Variants in FHIT observed in about 807,000 individuals in gnomAD.
FHIT encodes the protein bis(5'-adenosyl)-triphosphatase.
In FHIT, 19 loss-of-function variants were observed where a neutral mutation model predicts 17.9. The ratio of observed to expected loss-of-function variants is 1.06; its 90% CI spans 0.74 to 1.56. The LOEUF is 1.56. Ranked by LOEUF, FHIT falls within the 40% of genes most tolerant of loss-of-function variation. The pLI is 0.00. For missense variants in FHIT, 248 were observed against 189.2 expected (o/e 1.31, Z -1.82); for synonymous variants, 81 against 69.7 (o/e 1.16, Z -0.81).
chr3:60,059,296 T>C (rs1208203177), intron 5 of FHIT, among the ~76,000 whole-genome samples: 4 of 152,138 alleles, frequency 2.6e-5, no homozygotes, highest in Non-Finnish European at 5.9e-5. Flanking sequence ...TTCTGGGGCA[T>C]TCCACTGGAA....
intron 5 of FHIT, among the ~76,000 whole-genome samples, chr3:60,123,734 G>T (rs994301581): frequency 1.3e-5 from 2 of 151,626 alleles, no homozygotes; most frequent in South Asian, 2.1e-4. Flanking sequence ...ATGAGAGAAC[G>T]CCAGTGCCCA....
chr3:59,829,348 G>A (rs1249414776), intron 8 of FHIT, among the ~76,000 whole-genome samples: 3 of 152,132 alleles, frequency 2.0e-5, no homozygotes, highest in South Asian at 2.1e-4. Flanking sequence ...TCCTTAGAGC[G>A]CCTCAGTGTT....
intron 3 of FHIT, among the ~76,000 whole-genome samples, chr3:60,835,627 AG>A (rs1259425356): frequency 6.6e-6 from 1 of 152,160 alleles, no homozygotes; most frequent in East Asian, 1.9e-4. Context: ...TGCTTGAGAT[AG>A]GGTCTCACTC....
At chr3:60,966,405 G>A (rs572724046) in intron 3 of FHIT, among the ~76,000 whole-genome samples, 10 of 152,210 alleles carry the variant, frequency 6.6e-5, no homozygotes, top group Admixed American at 2.0e-4. Context: ...GCGATGTCCC[G>A]CCCTGCTTTG....
chr3:61,051,067 T>A (rs182702502), intron 2 of FHIT, among the ~76,000 whole-genome samples: 34 of 152,218 alleles, frequency 2.2e-4, no homozygotes, highest in Admixed American at 6.5e-4. Context: ...TGATTATAAG[T>A]GACTATCAAT....
At chr3:61,009,266 G>T (rs533263547) in intron 3 of FHIT, among the ~76,000 whole-genome samples, 3 of 152,174 alleles carry the variant, frequency 2.0e-5, no homozygotes, top group Admixed American at 6.5e-5. Flanking sequence ...TTCACTTAGC[G>T]TCAGAAGGCC....
At chr3:60,555,605 A>G (rs987808966) in intron 4 of FHIT, among the ~76,000 whole-genome samples, 2 of 151,828 alleles carry the variant, frequency 1.3e-5, no homozygotes, top group Non-Finnish European at 2.9e-5. Flanking sequence ...TCGTTTTTTC[A>G]TTTCTTCATC....
At chr3:61,189,766 C>T (rs1370851268) in intron 2 of FHIT, among the ~76,000 whole-genome samples, 1 of 151,972 alleles carries the variant, frequency 6.6e-6, no homozygotes. Flanking sequence ...ACAGAGCCCT[C>T]AGAAATAATG....
At chr3:60,801,522 C>T (rs527809718) in intron 4 of FHIT, among the ~76,000 whole-genome samples, 2 of 152,328 alleles carry the variant, frequency 1.3e-5, no homozygotes, top group Admixed American at 6.5e-5. Context: ...GGCTAGTTGG[C>T]CTTCACATTG....
chr3:59,832,433 C>T (rs1701197049), intron 8 of FHIT, among the ~76,000 whole-genome samples: 1 of 152,130 alleles, frequency 6.6e-6, no homozygotes, highest in Admixed American at 6.5e-5. Context: ...CTGTAACATC[C>T]AGCCACATTG....
intron 4 of FHIT, among the ~76,000 whole-genome samples, chr3:60,727,143 T>C (rs1422866314): frequency 2.6e-5 from 4 of 152,184 alleles, no homozygotes; most frequent in African/African-American, 9.7e-5. Flanking sequence ...TTATAGAGAA[T>C]GCAGAAAACA....
chr3:61,247,223 C>T (rs1434868898), intron 1 of FHIT, among the ~76,000 whole-genome samples: 1 of 152,176 alleles, frequency 6.6e-6, no homozygotes, highest in East Asian at 1.9e-4. Context: ...TTCTCCTCTG[C>T]TGTTGCTGTG....
chr3:60,467,199 T>C (rs760768903), intron 5 of FHIT, among the ~76,000 whole-genome samples: 1 of 152,070 alleles, frequency 6.6e-6, no homozygotes, highest in Non-Finnish European at 1.5e-5. Flanking sequence ...TTCTATGATA[T>C]CAATTGTAAT....
At chr3:60,127,590 T>C (rs963563327) in intron 5 of FHIT, among the ~76,000 whole-genome samples, 1 of 152,054 alleles carries the variant, frequency 6.6e-6, no homozygotes, top group African/African-American at 2.4e-5. Context: ...AATAAGAACA[T>C]TTTATTTATT....
At chr3:60,037,622 T>C (rs1057354315) in intron 5 of FHIT, among the ~76,000 whole-genome samples, 2 of 151,978 alleles carry the variant, frequency 1.3e-5, no homozygotes, top group Non-Finnish European at 2.9e-5. Flanking sequence ...CCTCAGGTGA[T>C]CCGCCCGACT....
At chr3:59,813,373 G>A (rs901348862) in intron 8 of FHIT, among the ~76,000 whole-genome samples, 5 of 152,130 alleles carry the variant, frequency 3.3e-5, no homozygotes, top group Admixed American at 6.5e-5. Flanking sequence ...GATAAGGTTC[G>A]CCTGAGGACG....
chr3:60,321,141 C>T (rs985477497), intron 5 of FHIT, among the ~76,000 whole-genome samples: 28 of 152,286 alleles, frequency 1.8e-4, no homozygotes, highest in Admixed American at 1.0e-3. Flanking sequence ...ATATTTACTA[C>T]GTGCTTCCCA....
chr3:60,663,160 A>ATATATATATATATATATATATATATATC (rs1553691630), intron 4 of FHIT, among the ~76,000 whole-genome samples: 4 of 132,562 alleles, frequency 3.0e-5, no homozygotes, highest in South Asian at 2.5e-4. Context: ...GGAGATATAT[A>ATATATATATATATATATATATATATATC]TCTCTTTAAT....
At chr3:60,087,134 A>G (rs1238979371) in intron 5 of FHIT, among the ~76,000 whole-genome samples, 2 of 152,170 alleles carry the variant, frequency 1.3e-5, no homozygotes, top group African/African-American at 4.8e-5. Context: ...AGCCTGAGCT[A>G]TATCTGGGGC....
Sources: allele counts gnomAD v4.1 joint callset (sites outside exome capture counted in the v4.1 genomes callset), GRCh38; gene constraint gnomAD v4.1.1; transcripts MANE v1.5; gene names NCBI Gene and HGNC (gene_info 2026-07-23, HGNC 2026-07-21).